UNC5C: variants seen among roughly 807,000 people sequenced by gnomAD.
UNC5C encodes the protein unc-5 netrin receptor C.
In UNC5C, 47 loss-of-function variants were observed where a neutral mutation model predicts 99.8. The ratio of observed to expected loss-of-function variants is 0.47; its 90% CI spans 0.37 to 0.60. The LOEUF is 0.60. Among genes scored for constraint, UNC5C ranks in the 20% least tolerant of loss-of-function variants. The pLI is 0.00. For synonymous variants in UNC5C, 487 were observed against 452.2 expected (o/e 1.08, Z -0.98); for missense variants, 1,062 against 1,165.9 (o/e 0.91, Z 1.30).
At chr4:95,305,732 C>T (rs1409195974) in intron 2 of UNC5C, among the ~76,000 whole-genome samples, 1 of 152,074 alleles carries the variant, frequency 6.6e-6, no homozygotes, top group Non-Finnish European at 1.5e-5. Context: ...AGTTTGGGAG[C>T]CAGAGTGCAG....
chr4:95,301,762 A>G lies in UNC5C; in HGVS notation c.347-13T>C, dbSNP rs768796289. 1 of 1,611,446 alleles carries G rather than the reference A, an allele frequency of 6.2e-7. No individual in the cohort carries two copies. Among genetic ancestry groups the G allele is most frequent in the South Asian group, 1.1e-5 (1 of 90,902 alleles). On this transcript the variant is annotated splice_polypyrimidine_tract_variant and intron_variant, in intron 2 of 15. Transcript: ENST00000453304. ...CGGACAATGAGACCTGACAAGAGAAAAAGAAAGATTTAAGTCAACACAAGA... is the reference window on the plus strand; with the variant it reads ...CGGACAATGAGACCTGACAAGAGAAGAAGAAAGATTTAAGTCAACACAAGA...
chr4:95,301,045 C>T (rs1741847804), intron 3 of UNC5C, among the ~76,000 whole-genome samples: 1 of 152,106 alleles, frequency 6.6e-6, no homozygotes, highest in African/African-American at 2.4e-5. Flanking sequence ...TATATCAAAA[C>T]ATCTCACATA....
rs544426635 is a variant in UNC5C, at chr4:95,460,338, T to C, written c.124+88396A>G. Among the ~76,000 whole-genome samples the C allele has an allele frequency of 7.2e-5, 11 of 152,252 alleles. No individual in the cohort carries two copies. In the South Asian group the frequency reaches 8.3e-4, roughly 11 times the overall value. ...ACTTTTCTCTAAGCAATAACTTAAA[T>C]AGTTAGCAACATGCTTATCTTCCTT... On this transcript the variant is annotated intron_variant, in intron 1 of 15. Transcript: ENST00000453304.
At chr4:95,427,690 G>A (rs1238006263) in intron 1 of UNC5C, among the ~76,000 whole-genome samples, 3 of 152,154 alleles carry the variant, frequency 2.0e-5, no homozygotes, top group African/African-American at 7.2e-5. Context: ...TCAGGATAGT[G>A]TAAACATTAC....
At chr4:95,307,677 G>A (rs1212392825) in intron 2 of UNC5C, among the ~76,000 whole-genome samples, 3 of 152,044 alleles carry the variant, frequency 2.0e-5, no homozygotes, top group African/African-American at 4.8e-5. Flanking sequence ...GAAAAGAAAA[G>A]TACAGGCCAA....
rs1381991085 is a variant in UNC5C at position 95,482,101 on chromosome 4, C to A, written c.124+66633G>T. On this transcript the variant is annotated intron_variant, in intron 1 of 15. Transcript: ENST00000453304. ...ACAAAATGGAAGAAAATTTTTGCAA[C>A]CTACTCATCTGACAAAGGGCTAATA... is the stretch of plus-strand genomic sequence containing the variant. Among the ~76,000 whole-genome samples the A allele has an allele frequency of 2.6e-5, 4 of 152,078 alleles. No homozygotes were observed. The East Asian group carries it at 7.8e-4, about 30-fold the overall frequency.
At chr4:95,241,003 C>A (rs560185342) in intron 7 of UNC5C, among the ~76,000 whole-genome samples, 2 of 152,104 alleles carry the variant, frequency 1.3e-5, no homozygotes, top group East Asian at 1.9e-4. Context: ...AGAGAAAGAA[C>A]GTGAAAGGCA....
intron 1 of UNC5C, among the ~76,000 whole-genome samples, chr4:95,459,429 G>A (rs1747537957): frequency 6.6e-6 from 1 of 152,052 alleles, no homozygotes; most frequent in Admixed American, 6.6e-5. Flanking sequence ...GGCCCATTAA[G>A]GTATCAGACT....
At chr4:95,174,227 G>A (rs1028446985) in intron 14 of UNC5C, among the ~76,000 whole-genome samples, 15 of 151,352 alleles carry the variant, frequency 9.9e-5, no homozygotes, top group African/African-American at 3.6e-4. Flanking sequence ...AGGGTTTTTT[G>A]TGTCTCTATT....
At chr4:95,533,122 A>G (rs555475937) in intron 1 of UNC5C, among the ~76,000 whole-genome samples, 7 of 152,138 alleles carry the variant, frequency 4.6e-5, no homozygotes, top group South Asian at 2.1e-4. Flanking sequence ...TTGAAAAATA[A>G]TATGATGGCT....
rs1274789806 is a variant in UNC5C, at chr4:95,354,481, T to TATATATATATATATATATA, written c.125-18851_125-18850insTATATATATATATATATAT. On this transcript the variant is annotated intron_variant, in intron 1 of 15. Transcript: ENST00000453304. ...ACCTAACTCTTCCATATATATATAT[T>TATATATATATATATATATA]TTTTTTTTTTTTTTAAGAGACAGGG... Among the ~76,000 whole-genome samples the TATATATATATATATATATA allele has an allele frequency of 2.0e-3, 199 of 99,660 alleles. 2 individuals are homozygous for TATATATATATATATATATA. The highest frequency in any genetic ancestry group is 4.6e-3 in the Middle Eastern group (1 of 218). The allele number at this position is 99,660 out of a possible 152,430, so 65.4% of individuals were successfully genotyped here.
intron 15 of UNC5C, 146 bp from the exon 16 acceptor site, chr4:95,169,545 T>C (rs1736004127): frequency 2.4e-6 from 2 of 849,264 alleles, no homozygotes; most frequent in Admixed American, 2.8e-5. Flanking sequence ...AACTAGCCCA[T>C]GCTTAATTAG....
chr4:95,429,374 T>G (rs1252028824), intron 1 of UNC5C, among the ~76,000 whole-genome samples: 2 of 151,946 alleles, frequency 1.3e-5, no homozygotes, highest in African/African-American at 4.8e-5. Context: ...CTGTACTATA[T>G]TAAGTACACT....
intron 2 of UNC5C, among the ~76,000 whole-genome samples, chr4:95,310,368 G>A (rs1329101936): frequency 6.6e-6 from 1 of 152,068 alleles, no homozygotes; most frequent in Admixed American, 6.6e-5. Flanking sequence ...CAAGAGATGT[G>A]CAACATGATG....
Position 95,335,573 on chromosome 4 carries a change from C to T in UNC5C, c.183G>A (p.Leu61=). 6.2e-7 allele frequency: 1 copy of T among 1,612,152 alleles called. No homozygotes were observed. Among genetic ancestry groups the T allele is most frequent in the South Asian group, 1.1e-5 (1 of 90,960 alleles). The change falls in exon 2 of 16, where the codon CTG becomes CTA. Residue 61 remains leucine (L), a synonymous_variant. Coordinates refer to ENST00000453304, the MANE Select transcript of UNC5C (RefSeq NM_003728.4). ...CTTCAGGCTCAATAAGGAAATGTGG[C>T]AGAGGCTCAGGTGGATCAGAAGGAA... ...ETFPSDPPEP[L]PHFLIEPEEA...
At chr4:95,259,234 T>G (rs1217852380) in intron 4 of UNC5C, among the ~76,000 whole-genome samples, 3 of 152,140 alleles carry the variant, frequency 2.0e-5, no homozygotes, top group Non-Finnish European at 4.4e-5. Flanking sequence ...ATGAGGATAA[T>G]TTTAGAACCC....
Position 95,165,014 on chromosome 4 carries a change from C to T in UNC5C, c.*4220G>A, listed in dbSNP as rs1336959210. 1.3e-5 allele frequency: 2 copies of T among 152,226 alleles called. No homozygotes were observed. The highest frequency in any genetic ancestry group is 2.9e-5 in the Non-Finnish European group (2 of 68,060). The allele number at this position is 152,226 out of a possible 1,614,324, so 9.4% of individuals were successfully genotyped here. A position where few individuals can be genotyped will look rare whatever the true frequency, so the allele number is the denominator to read the frequency against. On this transcript the variant is annotated 3_prime_UTR_variant, in exon 16 of 16. Coordinates refer to ENST00000453304, the MANE Select transcript of UNC5C (RefSeq NM_003728.4). ...CACCTTATTAACTCCCTTCTGCATA[C>T]GTGGATTACAGAGGAGTAAGCAGAC...
At chr4:95,299,169 G>A (rs981500242) in intron 3 of UNC5C, among the ~76,000 whole-genome samples, 1 of 152,050 alleles carries the variant, frequency 6.6e-6, no homozygotes, top group Admixed American at 6.5e-5. Context: ...GTTAGGGTGG[G>A]CCCCAACCCA....
chr4:95,365,329 A>T (rs1231031398), intron 1 of UNC5C, among the ~76,000 whole-genome samples: 1 of 148,094 alleles, frequency 6.8e-6, no homozygotes, highest in Admixed American at 6.8e-5. Context: ...AATAAAGAAA[A>T]TACAATACAA....
Sources: allele counts gnomAD v4.1 joint callset (sites outside exome capture counted in the v4.1 genomes callset), GRCh38; gene constraint gnomAD v4.1.1; transcripts MANE v1.5; gene names NCBI Gene and HGNC (gene_info 2026-07-23, HGNC 2026-07-21).